The following VIPR2 variants were observed in gnomAD, a reference collection of about 807,000 sequenced individuals.
VIPR2 encodes the protein vasoactive intestinal polypeptide receptor 2.
VIPR2 carries 48 observed loss-of-function variants against 58.0 expected under a neutral mutation model. The ratio of observed to expected loss-of-function variants is 0.83; its 90% CI spans 0.66 to 1.05. The LOEUF is 1.05. VIPR2 is among the 50% of genes least tolerant of loss of function. The probability of loss-of-function intolerance (pLI) is 0.00; values close to 1 mark genes in which losing one functional copy is unlikely to be tolerated. For synonymous variants in VIPR2, 243 were observed against 235.2 expected (o/e 1.03, Z -0.30); for missense variants, 534 against 558.0 (o/e 0.96, Z 0.43).
intron 4 of VIPR2, among the ~76,000 whole-genome samples, chr7:159,068,049 A>C (rs7777577): frequency 0.02 from 3,123 of 152,348 alleles, 116 homozygotes; most frequent in African/African-American, 0.072. Context: ...ACCCAACTCC[A>C]GAAGTGAACA....
chr7:159,094,429 G>C (rs566755226), intron 4 of VIPR2, among the ~76,000 whole-genome samples: 1 of 152,318 alleles, frequency 6.6e-6, no homozygotes, highest in South Asian at 2.1e-4. Context: ...CCCCTGACCC[G>C]TCAGCCAGGG....
rs1858087513 is a variant in VIPR2 at position 159,099,657 on chromosome 7, G to A, written c.357+4100C>T. Among the ~76,000 whole-genome samples the A allele has an allele frequency of 6.6e-6, 1 of 152,276 alleles. No homozygotes were observed. Among genetic ancestry groups the A allele is most frequent in the Middle Eastern group, 3.4e-3 (1 of 294 alleles). ...GGGCCTTGGTCTCTGCTCTTCACCA[G>A]CACCTCTGTCCTAATGTCTCCCAGG... On this transcript the variant is annotated intron_variant, in intron 4 of 12. Transcript: ENST00000262178. This position sits in a 1 kb window ranked among gnomAD's most constrained non-coding sequence, Gnocchi z 4.2.
chr7:159,062,775 T>G (rs1174808924), intron 4 of VIPR2, among the ~76,000 whole-genome samples: 1 of 152,232 alleles, frequency 6.6e-6, no homozygotes, highest in East Asian at 1.9e-4. Flanking sequence ...GGCCGCCTGC[T>G]TTTATTCCCT....
intron 1 of VIPR2, among the ~76,000 whole-genome samples, chr7:159,143,178 G>A (rs1249770582): frequency 6.6e-6 from 1 of 152,188 alleles, no homozygotes; most frequent in Non-Finnish European, 1.5e-5. Flanking sequence ...GGGAGCGAAA[G>A]GTGCCACAAA....
At chr7:159,077,748 A>G (rs530940007) in intron 4 of VIPR2, among the ~76,000 whole-genome samples, 1 of 151,524 alleles carries the variant, frequency 6.6e-6, no homozygotes, top group South Asian at 2.1e-4. Flanking sequence ...GAGGTACTAC[A>G]GTGTGCCTGT....
intron 4 of VIPR2, among the ~76,000 whole-genome samples, chr7:159,060,273 CCCAA>C (rs1386744719): frequency 6.6e-6 from 1 of 151,018 alleles, no homozygotes; most frequent in East Asian, 2.0e-4. Flanking sequence ...CATCACTTCA[CCCAA>C]CCACCACCCT....
At chr7:159,139,330 T>C (rs1169138586) in intron 2 of VIPR2, among the ~76,000 whole-genome samples, 1 of 152,152 alleles carries the variant, frequency 6.6e-6, no homozygotes, top group Non-Finnish European at 1.5e-5. Flanking sequence ...ACAAATGCAC[T>C]GCATCGGAGG....
chr7:159,121,231 G>A (rs76844436), intron 2 of VIPR2, among the ~76,000 whole-genome samples: 20,897 of 148,446 alleles, frequency 0.14, 2,081 homozygotes, highest in East Asian at 0.5. Flanking sequence ...CTTCCTCGTC[G>A]TGCGGGGCAG....
chr7:159,083,442 G>A (rs1188219027), intron 4 of VIPR2, among the ~76,000 whole-genome samples: 2 of 152,246 alleles, frequency 1.3e-5, no homozygotes, highest in East Asian at 1.9e-4. Flanking sequence ...CCCTAGATGA[G>A]TGTGTTGGTC....
intron 4 of VIPR2, among the ~76,000 whole-genome samples, chr7:159,066,938 C>G (rs903400915): frequency 1.8e-4 from 28 of 152,264 alleles, no homozygotes; most frequent in Middle Eastern, 3.4e-3. Context: ...AGTAGGAAAA[C>G]CAAGATCCAC....
At chr7:159,035,895 A>G (rs920905986) in intron 8 of VIPR2, 57 bp downstream of exon 8, 1 of 1,587,484 alleles carries the variant, frequency 6.3e-7, no homozygotes, top group Non-Finnish European at 8.6e-7. Context: ...AAAGGACTTC[A>G]TGTTGCCAGA....
Position 159,034,565 on chromosome 7 carries a change from A to G in VIPR2, c.879+16T>C. The G allele has an allele frequency of 6.2e-7, 1 of 1,610,506 alleles. No individual in the cohort carries two copies. On this transcript the variant is annotated intron_variant, in intron 9 of 12. Transcript: ENST00000262178. Reference sequence around the variant, plus strand: ...TGATTCCACAGATAATCCACATGTCAACAGGGACTACTTACGATGATGGAA... The same window carrying G: ...TGATTCCACAGATAATCCACATGTCGACAGGGACTACTTACGATGATGGAA...
intron 2 of VIPR2, among the ~76,000 whole-genome samples, chr7:159,132,848 A>T (rs1383225724): frequency 8.1e-6 from 1 of 123,476 alleles, no homozygotes; most frequent in Admixed American, 8.4e-5. Flanking sequence ...AATGATTGGC[A>T]TACCGATTGA....
intron 6 of VIPR2, among the ~76,000 whole-genome samples, chr7:159,037,930 T>A (rs1356021265): frequency 2.0e-5 from 3 of 152,226 alleles, no homozygotes; most frequent in Admixed American, 1.3e-4. Flanking sequence ...GATACATATA[T>A]CAGATGGATA....
intron 4 of VIPR2, among the ~76,000 whole-genome samples, chr7:159,060,974 G>T (rs2129494095): frequency 6.6e-6 from 1 of 152,274 alleles, no homozygotes; most frequent in East Asian, 1.9e-4. Context: ...GCAAAGACAT[G>T]GAATCAATAC....
At chr7:159,063,235 T>TG (rs374213783) in intron 4 of VIPR2, among the ~76,000 whole-genome samples, 2 of 151,320 alleles carry the variant, frequency 1.3e-5, no homozygotes, top group South Asian at 2.1e-4. Context: ...CACGGCGGGG[T>TG]GGGGGGAGAC....
At chr7:159,112,723 C>T (rs1796075741) in intron 2 of VIPR2, among the ~76,000 whole-genome samples, 1 of 136,778 alleles carries the variant, frequency 7.3e-6, no homozygotes, top group Admixed American at 7.5e-5. Context: ...GAGGAGGAGA[C>T]TCACGGCGCC....
Position 159,104,994 on chromosome 7 carries a change from G to A in VIPR2, c.260-1140C>T, listed in dbSNP as rs1333938173. Among the ~76,000 whole-genome samples the A allele has an allele frequency of 9.2e-5, 14 of 152,214 alleles. 1 individual carries two copies. The highest frequency in any genetic ancestry group is 4.1e-4 in the South Asian group (2 of 4,820). On this transcript the variant is annotated intron_variant, in intron 3 of 12. Transcript: ENST00000262178. ...CACTGGTGTTGGAAGAAAGGATGGC[G>A]GAATTACAGTTTAATTGTAGGAAAC...
chr7:159,075,540 G>T (rs1282395351), intron 4 of VIPR2, among the ~76,000 whole-genome samples: 2 of 152,242 alleles, frequency 1.3e-5, no homozygotes, highest in African/African-American at 4.8e-5. Flanking sequence ...GATGAGGGTT[G>T]AGGCCAGTGA....
Sources: gnomAD v4.1 joint callset for allele counts (sites outside exome capture counted in the v4.1 genomes callset) on GRCh38, gnomAD v4.1.1 for gene constraint, Gnocchi (gnomAD v3.1) non-coding constraint, MANE v1.5 for transcripts, NCBI Gene and HGNC (gene_info 2026-07-23, HGNC 2026-07-21) for gene names.